The following EBF1 variants were observed in gnomAD, a reference collection of about 807,000 sequenced individuals.
The protein encoded by EBF1 is transcription factor COE1.
EBF1 carries 10 observed loss-of-function variants against 68.4 expected under a neutral mutation model. That is an observed-to-expected ratio of 0.15 (90% CI 0.09 to 0.25). The LOEUF is 0.25. Among genes scored for constraint, EBF1 ranks in the 10% least tolerant of loss-of-function variants. The pLI is 1.00. For synonymous variants in EBF1, 298 were observed against 299.8 expected, an observed-to-expected ratio of 0.99 and a Z score of 0.06; for missense variants, 509 against 794.4, an observed-to-expected ratio of 0.64 and a Z score of 4.32.
At chr5:158,739,181 C>A (rs750425010) in intron 10 of EBF1, among the ~76,000 whole-genome samples, 1 of 152,192 alleles carries the variant, frequency 6.6e-6, no homozygotes, top group Non-Finnish European at 1.5e-5. Flanking sequence ...ATACTACAAC[C>A]GGTTGGCATT....
chr5:158,700,472 G>A (rs1756491312), intron 15 of EBF1, among the ~76,000 whole-genome samples: 1 of 151,276 alleles, frequency 6.6e-6, no homozygotes, highest in Non-Finnish European at 1.5e-5. Flanking sequence ...TGTCTAGGAA[G>A]TGGCCCTCTT....
intron 4 of EBF1, among the ~76,000 whole-genome samples, chr5:159,085,635 T>C (rs1280043035): frequency 6.6e-6 from 1 of 152,196 alleles, no homozygotes; most frequent in African/African-American, 2.4e-5. Context: ...TAACACTGTA[T>C]CACGGCATAA....
intron 6 of EBF1, among the ~76,000 whole-genome samples, chr5:159,064,899 CTTTTTT>C (rs57256923): frequency 5.9e-5 from 4 of 67,912 alleles, no homozygotes; most frequent in African/African-American, 2.4e-4. Context: ...CTCTTTTCAT[CTTTTTT>C]TTTTTTTTTT....
At chr5:158,807,978 C>T (rs1388062853) in intron 8 of EBF1, among the ~76,000 whole-genome samples, 3 of 152,176 alleles carry the variant, frequency 2.0e-5, no homozygotes, top group Non-Finnish European at 4.4e-5. Flanking sequence ...TTTCTCTCCA[C>T]AACCGAGGCT....
At chr5:158,891,315 A>G (rs1801128601) in intron 6 of EBF1, among the ~76,000 whole-genome samples, 1 of 152,150 alleles carries the variant, frequency 6.6e-6, no homozygotes, top group Non-Finnish European at 1.5e-5. Flanking sequence ...ACGAAAATTG[A>G]TTTCAGTGGG....
intron 6 of EBF1, among the ~76,000 whole-genome samples, chr5:158,907,513 C>G (rs1309203548): frequency 6.6e-6 from 1 of 152,090 alleles, no homozygotes; most frequent in South Asian, 2.1e-4. Context: ...CACTGAGATG[C>G]CCCATATAAA....
chr5:158,780,278 G>C (rs1170013385), intron 9 of EBF1, among the ~76,000 whole-genome samples: 1 of 152,136 alleles, frequency 6.6e-6, no homozygotes. Context: ...CTAGAGGAGG[G>C]ACAGGGTCTA....
At chr5:158,858,510 A>C (rs190659003) in intron 6 of EBF1, among the ~76,000 whole-genome samples, 5 of 152,310 alleles carry the variant, frequency 3.3e-5, no homozygotes, top group Non-Finnish European at 7.4e-5. Flanking sequence ...GCAAAGTATA[A>C]AGTAAAGAAA....
At chr5:158,930,238 C>T (rs538921711) in intron 6 of EBF1, among the ~76,000 whole-genome samples, 4 of 150,422 alleles carry the variant, frequency 2.7e-5, no homozygotes, top group South Asian at 2.1e-4. Context: ...AAAAAAGGCT[C>T]GAGCTGTTTT....
At chr5:159,090,406 G>C (rs935183867) in intron 4 of EBF1, among the ~76,000 whole-genome samples, 1 of 151,996 alleles carries the variant, frequency 6.6e-6, no homozygotes, top group Non-Finnish European at 1.5e-5. Context: ...ATTAGTAGTG[G>C]AATAAAATAA....
At position 159,017,479 on chromosome 5, in the gene EBF1, ATC is replaced by A. The variant is rs1383100377; in HGVS notation, c.554+55915_554+55916del. ...AAGGCACACTGGCTTCCAGCTTGCC[ATC>A]TCTCTCAACCCCCATTCCTTCAGTA... On this transcript the variant is annotated intron_variant, in intron 6 of 15. Transcript: ENST00000313708. 9.8e-5 allele frequency among the ~76,000 whole-genome samples: 15 copies of A among 152,330 alleles called. No individual in the cohort carries two copies. The South Asian group carries it at 1.5e-3, about 15-fold the overall frequency.
At chr5:158,729,866 G>C (rs1001201778) in intron 11 of EBF1, among the ~76,000 whole-genome samples, 1 of 152,158 alleles carries the variant, frequency 6.6e-6, no homozygotes, top group Non-Finnish European at 1.5e-5. Flanking sequence ...AGCAGTTAGC[G>C]CTCCTCCTCT....
At chr5:159,080,328 A>G (rs1779525192) in intron 5 of EBF1, among the ~76,000 whole-genome samples, 1 of 152,080 alleles carries the variant, frequency 6.6e-6, no homozygotes, top group South Asian at 2.1e-4. Flanking sequence ...CATCACATTC[A>G]ACCCTTTCTA....
chr5:159,052,449 A>C (rs1181814200), intron 6 of EBF1, among the ~76,000 whole-genome samples: 1 of 152,082 alleles, frequency 6.6e-6, no homozygotes, highest in African/African-American at 2.4e-5. Flanking sequence ...TACCTCCCCG[A>C]AGTCTGCTCT....
At chr5:158,976,536 A>T (rs2127575291) in intron 6 of EBF1, among the ~76,000 whole-genome samples, 1 of 152,194 alleles carries the variant, frequency 6.6e-6, no homozygotes, top group Middle Eastern at 3.4e-3. Context: ...AAACTAGAAA[A>T]GAAAGTATTG....
In EBF1 at chr5:158,889,912, C is replaced by T. The variant is rs144775325; in HGVS notation, c.555-49802G>A. The stretch of plus-strand genomic sequence containing the variant: ...AAAAATACAGTATGGCAACAATTCA[C>T]ATAGCATTTACATTGATTTGGGTAT... On this transcript the variant is annotated intron_variant, in intron 6 of 15. Transcript: ENST00000313708. Among the ~76,000 whole-genome samples the T allele has an allele frequency of 3.2e-3, 493 of 152,248 alleles. 3 individuals are homozygous for T. The highest frequency in any genetic ancestry group is 0.011 in the African/African-American group (466 of 41,544).
At chr5:158,905,580 A>G (rs1221638339) in intron 6 of EBF1, among the ~76,000 whole-genome samples, 3 of 152,186 alleles carry the variant, frequency 2.0e-5, no homozygotes, top group Admixed American at 2.0e-4. Context: ...GGGCCCATAA[A>G]TGCATATTAC....
At chr5:158,870,514 T>C (rs145872316) in intron 6 of EBF1, among the ~76,000 whole-genome samples, 1,858 of 151,874 alleles carry the variant, frequency 0.012, 37 homozygotes, top group African/African-American at 0.042. Context: ...CAAAACCCCA[T>C]CTCTACAAAA....
At chr5:158,910,294 T>G (rs1044936841) in intron 6 of EBF1, among the ~76,000 whole-genome samples, 1 of 152,232 alleles carries the variant, frequency 6.6e-6, no homozygotes, top group Non-Finnish European at 1.5e-5. Context: ...GGTACCAGAA[T>G]CAAATTATTA....
Sources: allele counts gnomAD v4.1 joint callset (sites outside exome capture counted in the v4.1 genomes callset), GRCh38; gene constraint gnomAD v4.1.1; transcripts MANE v1.5; gene names NCBI Gene and HGNC (gene_info 2026-07-23, HGNC 2026-07-21).